The following SMC1B variants were observed in gnomAD, a reference collection of about 807,000 sequenced individuals.
SMC1B encodes structural maintenance of chromosomes protein 1B.
Under a neutral mutation model 157.9 loss-of-function variants are expected in SMC1B, and 60 were observed. The observed-to-expected ratio is 0.38, with a 90% CI of 0.31 to 0.47. The LOEUF is 0.47. SMC1B is among the 20% of genes least tolerant of loss of function. SMC1B has a pLI of 0.99. For synonymous variants in SMC1B, 445 were observed against 483.0 expected (o/e 0.92, Z 1.03); for missense variants, 1,165 against 1,426.2 (o/e 0.82, Z 2.95).
At chr22:45,352,659 T>C in intron 21 of SMC1B, 57 bp from the exon 22 acceptor site, 1 of 1,530,172 alleles carries the variant, frequency 6.5e-7, no homozygotes, top group Non-Finnish European at 8.8e-7. Context: ...AAAGTTCAAC[T>C]TGGAGTTTAA....
intron 5 of SMC1B, 139 bp downstream of exon 5, chr22:45,402,194 T>C (rs1443102583): frequency 1.8e-5 from 12 of 684,826 alleles, no homozygotes; most frequent in South Asian, 9.5e-5. Flanking sequence ...ATACTATCTT[T>C]ATAATTTTTC....
intron 15 of SMC1B, among the ~76,000 whole-genome samples, chr22:45,364,824 C>CTTTTTTTTT (rs202166311): frequency 9.5e-6 from 1 of 105,504 alleles, no homozygotes; most frequent in African/African-American, 4.2e-5. Context: ...ATCTCTTTTC[C>CTTTTTTTTT]TTTTTTTTTT....
intron 1 of SMC1B, among the ~76,000 whole-genome samples, chr22:45,410,460 TG>T (rs1411264006): frequency 6.6e-6 from 1 of 152,162 alleles, no homozygotes; most frequent in African/African-American, 2.4e-5. Flanking sequence ...CCCAGCACTT[TG>T]GGAGGCCGAG....
intron 2 of SMC1B, among the ~76,000 whole-genome samples, chr22:45,407,982 G>T (rs1184646753): frequency 6.6e-6 from 1 of 152,054 alleles, no homozygotes; most frequent in Non-Finnish European, 1.5e-5. Flanking sequence ...CACTCAAGTT[G>T]CTTTTTGGTG....
intron 12 of SMC1B, among the ~76,000 whole-genome samples, chr22:45,374,017 G>C (rs1321186065): frequency 1.3e-5 from 2 of 149,876 alleles, no homozygotes; most frequent in Admixed American, 1.3e-4. Flanking sequence ...CTTATTTAAA[G>C]GTTATGTATA....
Position 45,372,324 on chromosome 22 carries a change from A to T in SMC1B, c.2059-32T>A. ...GGAAAGAAAAACATGAGAATATTTT[A>T]TGATAGAAAAGCACTTTCACTTTTC... is the stretch of plus-strand genomic sequence containing the variant. On this transcript the variant is annotated intron_variant, in intron 12 of 24. Coordinates refer to ENST00000357450, the MANE Select transcript of SMC1B (RefSeq NM_148674.5). 1.9e-6 allele frequency: 3 copies of T among 1,552,526 alleles called. No individual in the cohort carries two copies. The African/African-American group carries it at 4.2e-5, about 22-fold the overall frequency.
chr22:45,408,621 T>C, intron 2 of SMC1B, 89 bp downstream of exon 2: 1 of 853,110 alleles, frequency 1.2e-6, no homozygotes, highest in Non-Finnish European at 1.8e-6. Flanking sequence ...ACCAGTAGAA[T>C]AATAAACCAT....
At chr22:45,368,937 T>C (rs980125506) in intron 15 of SMC1B, among the ~76,000 whole-genome samples, 3 of 152,156 alleles carry the variant, frequency 2.0e-5, no homozygotes, top group Non-Finnish European at 4.4e-5. Context: ...TATTTGGCAA[T>C]GGGGTGGGTA....
chr22:45,344,505 G>C lies in SMC1B; in HGVS notation c.*51C>G, dbSNP rs776556229. The C allele has an allele frequency of 2.3e-6, 3 of 1,303,640 alleles. No individual in the cohort carries two copies. The highest frequency in any genetic ancestry group is 2.9e-5 in the African/African-American group (2 of 68,644). 80.8% of individuals were successfully genotyped at this position (1,303,640 alleles called of 1,614,324 possible). ...AGTCTCCTGTGGAGGAGCTGTGTGA[G>C]TATTAGAGTGGGAACTGAACAGTGA... On this transcript the variant is annotated 3_prime_UTR_variant, in exon 25 of 25. Transcript: ENST00000357450.
intron 6 of SMC1B, among the ~76,000 whole-genome samples, chr22:45,396,870 G>A (rs541882658): frequency 6.6e-6 from 1 of 152,064 alleles, no homozygotes; most frequent in South Asian, 2.1e-4. Context: ...GCTTTGAGGA[G>A]ACATGATCAC....
At chr22:45,364,218 C>A (rs1334004415) in intron 15 of SMC1B, among the ~76,000 whole-genome samples, 1 of 152,110 alleles carries the variant, frequency 6.6e-6, no homozygotes, top group Non-Finnish European at 1.5e-5. Flanking sequence ...TTCATAAACT[C>A]CTCATAAAGA....
intron 1 of SMC1B, among the ~76,000 whole-genome samples, chr22:45,412,895 C>T (rs181515291): frequency 6.6e-6 from 1 of 152,334 alleles, no homozygotes; most frequent in Non-Finnish European, 1.5e-5. Context: ...GAACCCATTA[C>T]CTCCTCGACA....
intron 9 of SMC1B, among the ~76,000 whole-genome samples, chr22:45,392,794 G>C (rs556956802): frequency 6.6e-6 from 1 of 152,008 alleles, no homozygotes; most frequent in African/African-American, 2.4e-5. Context: ...TCTGCCTCCC[G>C]GGTTCAAGCG....
chr22:45,375,880 T>C (rs1439600041), intron 12 of SMC1B, among the ~76,000 whole-genome samples: 2 of 152,170 alleles, frequency 1.3e-5, no homozygotes, highest in African/African-American at 4.8e-5. Flanking sequence ...AGTCAGTTTT[T>C]AGTTTTATTT....
chr22:45,347,868 G>T lies in SMC1B; in HGVS notation c.3495+1860C>A, dbSNP rs1017955938. Among the ~76,000 whole-genome samples, 11 of 152,310 alleles carry T rather than the reference G, an allele frequency of 7.2e-5. 1 individual carries two copies. Among genetic ancestry groups the T allele is most frequent in the Admixed American group, 7.2e-4 (11 of 15,298 alleles). ...CTGGTCATTTCTAGAAGATGGATGGGCCTGGAATCAGAACCAGGAGAACCT... is the reference window on the plus strand; with the variant it reads ...CTGGTCATTTCTAGAAGATGGATGGTCCTGGAATCAGAACCAGGAGAACCT... On this transcript the variant is annotated intron_variant, in intron 23 of 24. Transcript: ENST00000357450.
chr22:45,363,491 G>A (rs2086741385), intron 15 of SMC1B, among the ~76,000 whole-genome samples: 1 of 152,108 alleles, frequency 6.6e-6, no homozygotes, highest in Admixed American at 6.5e-5. Flanking sequence ...GACCAGCCTG[G>A]CCAACATGGT....
At chr22:45,403,219 AGT>A (rs2087216705) in intron 4 of SMC1B, among the ~76,000 whole-genome samples, 1 of 152,186 alleles carries the variant, frequency 6.6e-6, no homozygotes, top group Non-Finnish European at 1.5e-5. Context: ...TTTGCAGTTC[AGT>A]ATATTGTGAT....
At chr22:45,358,245 A>T (rs2086688071) in intron 19 of SMC1B, among the ~76,000 whole-genome samples, 1 of 152,208 alleles carries the variant, frequency 6.6e-6, no homozygotes, top group African/African-American at 2.4e-5. Flanking sequence ...TAATGTAAAT[A>T]AAGTATTCCC....
chr22:45,357,015 G>A (rs1294400940), intron 19 of SMC1B, among the ~76,000 whole-genome samples: 3 of 152,294 alleles, frequency 2.0e-5, no homozygotes, highest in East Asian at 3.9e-4. Flanking sequence ...TTACAGGCGT[G>A]AGCCACCACG....
Sources: gnomAD v4.1 joint callset for allele counts (sites outside exome capture counted in the v4.1 genomes callset) on GRCh38, gnomAD v4.1.1 for gene constraint, MANE v1.5 for transcripts, NCBI Gene and HGNC (gene_info 2026-07-23, HGNC 2026-07-21) for gene names.